NRXN1: variants seen among roughly 807,000 people sequenced by gnomAD.
The protein encoded by NRXN1 is neurexin 1, also known as neurexin-1.
In NRXN1, 39 loss-of-function variants were observed where a neutral mutation model predicts 150.9. That is an observed-to-expected ratio of 0.26 (90% confidence interval 0.20 to 0.34). NRXN1 has a LOEUF of 0.34. Among genes scored for constraint, NRXN1 ranks in the 10% least tolerant of loss-of-function variants. The pLI, the probability that NRXN1 is intolerant of heterozygous loss-of-function variation, is 1.00. For synonymous variants in NRXN1, 924 were observed against 757.0 expected, an observed-to-expected ratio of 1.22 and a Z score of -3.62; for missense variants, 1,815 against 1,949.9, an observed-to-expected ratio of 0.93 and a Z score of 1.30.
At chr2:49,959,614 G>T (rs572201066) in intron 21 of NRXN1, among the ~76,000 whole-genome samples, 2 of 152,346 alleles carry the variant, frequency 1.3e-5, no homozygotes, top group Middle Eastern at 6.8e-3. Context: ...TTTAGAGCTG[G>T]TAGAACTTGT....
intron 18 of NRXN1, among the ~76,000 whole-genome samples, chr2:50,164,764 G>A (rs2059571600): frequency 6.6e-6 from 1 of 152,126 alleles, no homozygotes; most frequent in South Asian, 2.1e-4. Flanking sequence ...AAAAGAGAAA[G>A]AGACAACGCA....
intron 17 of NRXN1, among the ~76,000 whole-genome samples, chr2:50,258,049 A>G (rs1479016338): frequency 6.6e-6 from 1 of 152,044 alleles, no homozygotes; most frequent in African/African-American, 2.4e-5. Context: ...GCAAGCTGTA[A>G]TATTTTTGAT....
At chr2:50,722,101 T>C (rs190324760) in intron 5 of NRXN1, among the ~76,000 whole-genome samples, 2 of 152,184 alleles carry the variant, frequency 1.3e-5, no homozygotes, top group Non-Finnish European at 2.9e-5. Context: ...ATGAATCTAG[T>C]ATTCCATAGA....
chr2:50,020,354 T>C (rs1024355239), intron 21 of NRXN1, among the ~76,000 whole-genome samples: 1 of 152,208 alleles, frequency 6.6e-6, no homozygotes, highest in East Asian at 1.9e-4. Flanking sequence ...TGTAGTTTCA[T>C]TTTTTATTCT....
rs1474254271 is a variant in NRXN1 at position 50,531,400 on chromosome 2, A to C, written c.2174T>G (p.Met725Arg). The C allele has an allele frequency of 6.2e-7, 1 of 1,612,410 alleles. No homozygotes were observed. The highest frequency in any genetic ancestry group is 1.7e-5 in the Admixed American group (1 of 59,800). ...TACGGGGAGCTGAATTTTCATAAAC[A>C]TGCTCCCATCATAGCTCAAAACCGT... ...EATVLSYDGS[M>R]FMKIQLPVVM... is the part of the protein sequence containing the mutation. The change falls in exon 11 of 23, where the codon ATG becomes AGG. Residue 725 changes from methionine (M) to arginine (R), a missense_variant. By Grantham distance (91) the Met-to-Arg change is moderately conservative. Coordinates refer to ENST00000401669, the MANE Select transcript of NRXN1 (RefSeq NM_001330078.2).
chr2:50,474,683 CAAA>C (rs754558377), intron 15 of NRXN1, among the ~76,000 whole-genome samples: 1 of 54,994 alleles, frequency 1.8e-5, no homozygotes, highest in South Asian at 1.0e-3. Context: ...ACAGAAATAG[CAAA>C]AAAAAAAAAA....
At chr2:50,019,538 G>T (rs866116144) in intron 21 of NRXN1, among the ~76,000 whole-genome samples, 14 of 148,268 alleles carry the variant, frequency 9.4e-5, no homozygotes, top group South Asian at 2.1e-4. Context: ...AGCCACTCGG[G>T]AGGCTGAGGC....
At position 50,240,108 on chromosome 2, in the gene NRXN1, T is replaced by G. The variant is rs2681997; in HGVS notation, c.3365-3138A>C. ...TTTGATTTCTTCTCAGATTTTAACC[T>G]TTTTCAATGAATCTAAAACTTGATG... On this transcript the variant is annotated intron_variant, in intron 17 of 22. Transcript: ENST00000401669. 5.3e-3 allele frequency among the ~76,000 whole-genome samples: 808 copies of G among 151,398 alleles called. 6 individuals carry two copies. The highest frequency in any genetic ancestry group is 0.019 in the African/African-American group (782 of 41,454).
At chr2:50,124,518 A>G (rs550474572) in intron 18 of NRXN1, among the ~76,000 whole-genome samples, 29 of 152,290 alleles carry the variant, frequency 1.9e-4, no homozygotes, top group African/African-American at 6.7e-4. Flanking sequence ...AAAATGTTAA[A>G]GTATCCAGTT....
At chr2:50,934,482 G>A (rs1351162217) in intron 2 of NRXN1, among the ~76,000 whole-genome samples, 1 of 151,972 alleles carries the variant, frequency 6.6e-6, no homozygotes, top group African/African-American at 2.4e-5. Flanking sequence ...AGAGACATAT[G>A]GCATATTTCT....
chr2:50,080,891 T>A (rs1697857729), intron 19 of NRXN1, among the ~76,000 whole-genome samples: 1 of 152,174 alleles, frequency 6.6e-6, no homozygotes, highest in South Asian at 2.1e-4. Context: ...AGGAGGTTTC[T>A]CCTCATATGT....
chr2:50,124,406 A>C (rs1384362611), intron 18 of NRXN1, among the ~76,000 whole-genome samples: 1 of 152,206 alleles, frequency 6.6e-6, no homozygotes, highest in Non-Finnish European at 1.5e-5. Context: ...ATCATTTTTC[A>C]TATCACATAC....
At chr2:49,990,721 T>G (rs1681782134) in intron 21 of NRXN1, among the ~76,000 whole-genome samples, 1 of 152,216 alleles carries the variant, frequency 6.6e-6, no homozygotes, top group African/African-American at 2.4e-5. Context: ...TGGTTCTTAA[T>G]GTCAGTGATA....
chr2:50,791,020 T>G (rs1282947014), intron 5 of NRXN1, among the ~76,000 whole-genome samples: 1 of 151,780 alleles, frequency 6.6e-6, no homozygotes, highest in Admixed American at 6.6e-5. Flanking sequence ...CCTTTGTTGG[T>G]AATTTTTATG....
At chr2:50,093,290 G>A (rs2152700181) in intron 18 of NRXN1, among the ~76,000 whole-genome samples, 1 of 152,034 alleles carries the variant, frequency 6.6e-6, no homozygotes, top group Non-Finnish European at 1.5e-5. Flanking sequence ...AATAAGTCCA[G>A]GGGAAAATAT....
intron 19 of NRXN1, among the ~76,000 whole-genome samples, chr2:50,070,561 G>A (rs1210492483): frequency 1.3e-5 from 2 of 151,788 alleles, no homozygotes; most frequent in Non-Finnish European, 2.9e-5. Context: ...ACAAGGTCAG[G>A]AGATCGAGAC....
Position 50,516,503 on chromosome 2 carries a change from C to A in NRXN1, c.2375-9886G>T, listed in dbSNP as rs186486848. 1.6e-3 allele frequency among the ~76,000 whole-genome samples: 245 copies of A among 152,232 alleles called. 2 individuals are homozygous for A. Among genetic ancestry groups the A allele is most frequent in the Non-Finnish European group, 1.6e-3 (110 of 68,024 alleles). On this transcript the variant is annotated intron_variant, in intron 12 of 22. Transcript: ENST00000401669. Reference sequence around the variant, plus strand: ...GTTGAGTCACCTTCCCCAGAGTATCCACACTTAATGACATGGTCTCTGGGG... The same window carrying A: ...GTTGAGTCACCTTCCCCAGAGTATCAACACTTAATGACATGGTCTCTGGGG...
chr2:50,834,167 A>G (rs959524950), intron 5 of NRXN1, among the ~76,000 whole-genome samples: 14 of 152,296 alleles, frequency 9.2e-5, no homozygotes, highest in Middle Eastern at 3.4e-3. Context: ...AAAACTGAGA[A>G]GTAGTCAAAA....
chr2:51,005,701 C>A (rs1290648703), intron 2 of NRXN1, among the ~76,000 whole-genome samples: 2 of 151,548 alleles, frequency 1.3e-5, no homozygotes, highest in Admixed American at 6.6e-5. Context: ...CAAAAATAAA[C>A]CATAAGAGAG....
Sources: allele counts gnomAD v4.1 joint callset (sites outside exome capture counted in the v4.1 genomes callset), GRCh38; gene constraint gnomAD v4.1.1; transcripts MANE v1.5; gene names NCBI Gene and HGNC (gene_info 2026-07-23, HGNC 2026-07-21).